The following PALLD variants were observed in gnomAD, a reference collection of about 807,000 sequenced individuals.
PALLD encodes the protein palladin.
Under a neutral mutation model 123.5 loss-of-function variants are expected in PALLD, and 61 were observed. The observed-to-expected ratio is 0.49, with a 90% CI of 0.40 to 0.61. The LOEUF (loss-of-function observed/expected upper bound fraction) is 0.61. Ranked by LOEUF, PALLD falls within the 20% of genes least tolerant of loss-of-function variation. The pLI is 0.00. For missense variants in PALLD, 1,273 were observed against 1,377.0 expected (o/e 0.92, Z 1.20); for synonymous variants, 465 against 496.4 (o/e 0.94, Z 0.84).
At chr4:168,847,937 A>C (rs1317525955) in intron 10 of PALLD, among the ~76,000 whole-genome samples, 1 of 152,208 alleles carries the variant, frequency 6.6e-6, no homozygotes, top group Non-Finnish European at 1.5e-5. Flanking sequence ...TTAGCTGTAG[A>C]ACTAATTCTG....
intron 2 of PALLD, among the ~76,000 whole-genome samples, chr4:168,646,016 T>C (rs1182557420): frequency 6.6e-6 from 1 of 152,200 alleles, no homozygotes; most frequent in Non-Finnish European, 1.5e-5. Flanking sequence ...CTGAGCCTTG[T>C]ATGTTATTTG....
At chr4:168,908,532 A>G (rs1363596286) in intron 15 of PALLD, among the ~76,000 whole-genome samples, 1 of 152,262 alleles carries the variant, frequency 6.6e-6, no homozygotes, top group Non-Finnish European at 1.5e-5. Context: ...CTTTCAAGAT[A>G]TAGTAATCCC....
chr4:168,832,203 G>A, intron 10 of PALLD: 1 of 985,320 alleles, frequency 1.0e-6, no homozygotes, highest in Non-Finnish European at 1.2e-6. Context: ...TGAGGCTGGT[G>A]GAAGAAATGT....
At chr4:168,827,504 T>C (rs2150827783) in intron 10 of PALLD, among the ~76,000 whole-genome samples, 1 of 152,360 alleles carries the variant, frequency 6.6e-6, no homozygotes, top group South Asian at 2.1e-4. Flanking sequence ...TTCTTAAAAA[T>C]GAATGGACTA....
chr4:168,834,983 G>T (rs577029266), intron 10 of PALLD, among the ~76,000 whole-genome samples: 1 of 152,162 alleles, frequency 6.6e-6, no homozygotes, highest in Non-Finnish European at 1.5e-5. Flanking sequence ...GGCAATGTTG[G>T]TGGAGTTCAT....
intron 10 of PALLD, among the ~76,000 whole-genome samples, chr4:168,719,621 G>A (rs10016874): frequency 0.54 from 82,015 of 151,656 alleles, 22,251 homozygotes; most frequent in South Asian, 0.68. Flanking sequence ...ACATGTGTAC[G>A]TTAGTTATAT....
At chr4:168,729,845 G>A (rs563659086) in intron 10 of PALLD, among the ~76,000 whole-genome samples, 27 of 152,280 alleles carry the variant, frequency 1.8e-4, no homozygotes, top group African/African-American at 6.0e-4. Context: ...GTTTGGCTAG[G>A]TTTAAGAGTA....
At chr4:168,573,386 T>C (rs1447228443) in intron 2 of PALLD, among the ~76,000 whole-genome samples, 1 of 152,108 alleles carries the variant, frequency 6.6e-6, no homozygotes, top group Non-Finnish European at 1.5e-5. Context: ...ACTATCTCTC[T>C]CCTTTCACTA....
chr4:168,536,373 G>A (rs1289526376), intron 2 of PALLD, among the ~76,000 whole-genome samples: 8 of 152,184 alleles, frequency 5.3e-5, no homozygotes, highest in African/African-American at 1.9e-4. Context: ...TTAAGCCACA[G>A]AGCATTGCCC....
intron 10 of PALLD, among the ~76,000 whole-genome samples, chr4:168,768,304 C>T (rs572208332): frequency 5.3e-5 from 8 of 152,106 alleles, no homozygotes; most frequent in Admixed American, 3.9e-4. Context: ...ATATAAAAGC[C>T]GTGTCAAAAA....
intron 6 of PALLD, chr4:168,686,634 G>A (rs919591560): frequency 6.6e-6 from 1 of 152,318 alleles, no homozygotes; most frequent in African/African-American, 2.4e-5. Context: ...TCACGAATTT[G>A]CATGTCATCC....
chr4:168,681,352 G>A lies in PALLD; in HGVS notation c.1108G>A (p.Asp370Asn). ...FIEGASSTDS[D>N]SESLAFKSRA... ...CCCAGGTGCCAGTTCAACAGATTCTGACAGTGAAAGTTTAGCTTTCAAATC... is the reference window on the plus strand; with the variant it reads ...CCCAGGTGCCAGTTCAACAGATTCTAACAGTGAAAGTTTAGCTTTCAAATC... The change falls in exon 4 of 22, where the codon GAC becomes AAC. Residue 370 changes from aspartate to asparagine, a missense_variant. Around this residue, in one of 2 missense-constraint regions of PALLD, gnomAD observed 944 missense variants for 954.5 expected, o/e 0.99. Transcript: ENST00000505667. 1 of 1,607,606 alleles carries A rather than the reference G, an allele frequency of 6.2e-7. No individual in the cohort carries two copies. The highest frequency in any genetic ancestry group is 8.5e-7 in the Non-Finnish European group (1 of 1,174,420).
intron 10 of PALLD, among the ~76,000 whole-genome samples, chr4:168,714,529 G>A (rs1172883186): frequency 6.6e-6 from 1 of 152,206 alleles, no homozygotes; most frequent in Non-Finnish European, 1.5e-5. Context: ...ACTGCCAAGT[G>A]AAATTCTTAC....
chr4:168,503,322 T>C (rs968428830), intron 1 of PALLD, among the ~76,000 whole-genome samples: 2 of 152,138 alleles, frequency 1.3e-5, no homozygotes, highest in African/African-American at 2.4e-5. Flanking sequence ...TGGTAAAATT[T>C]AAGAAAGTTT....
chr4:168,555,629 G>A (rs1767201206), intron 2 of PALLD, among the ~76,000 whole-genome samples: 1 of 152,174 alleles, frequency 6.6e-6, no homozygotes, highest in African/African-American at 2.4e-5. Context: ...TCCACTTTCT[G>A]TTACACAATT....
chr4:168,526,408 C>T (rs895728208), intron 2 of PALLD, among the ~76,000 whole-genome samples: 2 of 152,152 alleles, frequency 1.3e-5, no homozygotes, highest in African/African-American at 4.8e-5. Context: ...AAATGTTAAA[C>T]CTTCTCACAT....
chr4:168,744,258 C>A (rs1788642841), intron 10 of PALLD, among the ~76,000 whole-genome samples: 1 of 152,146 alleles, frequency 6.6e-6, no homozygotes, highest in Non-Finnish European at 1.5e-5. Context: ...TAACAGATGA[C>A]TCCTTGGGGG....
At position 168,553,292 on chromosome 4, in the gene PALLD, C is replaced by T. The variant is rs147282782; in HGVS notation, c.908+40880C>T. Among the ~76,000 whole-genome samples the T allele has an allele frequency of 1.3e-4, 20 of 152,224 alleles. No homozygotes were observed. The East Asian group carries it at 1.4e-3, about 10-fold the overall frequency. Reference sequence around the variant, plus strand: ...GGAGGGCAAGTCTGGGGAAAAAAAGCCTTATAATGTTGTAATGGCTCTGGT... The same window carrying T: ...GGAGGGCAAGTCTGGGGAAAAAAAGTCTTATAATGTTGTAATGGCTCTGGT... On this transcript the variant is annotated intron_variant, in intron 2 of 21. Coordinates refer to ENST00000505667, the MANE Select transcript of PALLD (RefSeq NM_001166108.2).
chr4:168,577,555 A>C (rs1193201572), intron 2 of PALLD, among the ~76,000 whole-genome samples: 2 of 152,196 alleles, frequency 1.3e-5, no homozygotes, highest in Admixed American at 6.6e-5. Flanking sequence ...GGAAGGATTT[A>C]AAATATATCA....
Sources: allele counts gnomAD v4.1 joint callset (sites outside exome capture counted in the v4.1 genomes callset), GRCh38; gene constraint gnomAD v4.1.1; regional missense constraint gnomAD v4.1.1; transcripts MANE v1.5; gene names NCBI Gene and HGNC (gene_info 2026-07-23, HGNC 2026-07-21).